Variants in RYR2 observed in about 807,000 individuals in gnomAD.
The protein encoded by RYR2 is ryanodine receptor 2, also known as cardiac muscle ryanodine receptor-calcium release channel.
RYR2 carries 227 observed loss-of-function variants against 601.1 expected under a neutral mutation model. That is an observed-to-expected ratio of 0.38 (90% CI 0.34 to 0.42). The LOEUF (loss-of-function observed/expected upper bound fraction) is 0.42. RYR2 is among the 10% of genes least tolerant of loss of function. The pLI is 1.00. For missense variants in RYR2, 4,646 were observed against 6,156.5 expected, an observed-to-expected ratio of 0.75 and a Z score of 8.21; for synonymous variants, 2,223 against 2,175.1, an observed-to-expected ratio of 1.02 and a Z score of -0.61.
chr1:237,179,435 G>A (rs558362706), intron 1 of RYR2, among the ~76,000 whole-genome samples: 2 of 151,900 alleles, frequency 1.3e-5, no homozygotes, highest in South Asian at 4.1e-4. Flanking sequence ...ATGTTTAGGA[G>A]ACTAGGAATA....
intron 4 of RYR2, among the ~76,000 whole-genome samples, chr1:237,362,319 A>G (rs987616617): frequency 6.6e-6 from 1 of 152,128 alleles, no homozygotes; most frequent in African/African-American, 2.4e-5. Flanking sequence ...CCCTTACTCT[A>G]TTTTGTGTAA....
chr1:237,310,934 G>A (rs954579), intron 2 of RYR2, among the ~76,000 whole-genome samples: 51,367 of 151,906 alleles, frequency 0.34, 8,917 homozygotes, highest in South Asian at 0.51. Context: ...AAGTTTCACA[G>A]TTAGGGTTTC....
At chr1:237,112,048 T>TA (rs1223898341) in intron 1 of RYR2, among the ~76,000 whole-genome samples, 3 of 152,124 alleles carry the variant, frequency 2.0e-5, no homozygotes, top group Admixed American at 6.5e-5. Flanking sequence ...AATGAGATAG[T>TA]ATGCAAATAG....
At chr1:237,120,162 T>C (rs1055230162) in intron 1 of RYR2, among the ~76,000 whole-genome samples, 10 of 152,202 alleles carry the variant, frequency 6.6e-5, no homozygotes, top group African/African-American at 2.4e-4. Context: ...AATGGTTTAA[T>C]AGTCATTTTT....
intron 1 of RYR2, among the ~76,000 whole-genome samples, chr1:237,138,613 A>G (rs1284339525): frequency 6.7e-6 from 1 of 150,088 alleles, no homozygotes; most frequent in Non-Finnish European, 1.5e-5. Context: ...AAAACAAACT[A>G]TTTATTTTCT....
rs1272382499 is a variant in RYR2 at position 237,219,014 on chromosome 1, T to TTA, written c.49-51482_49-51481insAT. Among the ~76,000 whole-genome samples, 3 of 148,256 alleles carry TTA rather than the reference T, an allele frequency of 2.0e-5. No homozygotes were observed. The East Asian group carries it at 5.9e-4, about 29-fold the overall frequency. On this transcript the variant is annotated intron_variant, in intron 1 of 104. Transcript: ENST00000366574. ...TTTCTGCTTTCCTTATACTTGATTT[T>TTA]TTTTTTTTTTTTTTTTTAGCTGGCG...
chr1:237,351,720 A>G (rs1698855872), intron 3 of RYR2, among the ~76,000 whole-genome samples: 1 of 151,950 alleles, frequency 6.6e-6, no homozygotes, highest in Non-Finnish European at 1.5e-5. Flanking sequence ...GTCCAGGCCC[A>G]GATGGCCTCA....
intron 1 of RYR2, among the ~76,000 whole-genome samples, chr1:237,191,606 T>C (rs977551537): frequency 2.6e-5 from 4 of 152,170 alleles, no homozygotes; most frequent in African/African-American, 7.2e-5. Flanking sequence ...CGTGTTCCGA[T>C]TGAGGCTGGA....
chr1:237,551,660 G>A lies in RYR2; in HGVS notation c.3214+969G>A, dbSNP rs75503480. ...AAAACAAATTACGGTTGTGTGCTTC[G>A]TCACAGGGCCTATAATTTTTGATGG... On this transcript the variant is annotated intron_variant, in intron 27 of 104. Transcript: ENST00000366574. Among the ~76,000 whole-genome samples, 67 of 151,838 alleles carry A rather than the reference G, an allele frequency of 4.4e-4. 1 individual carries two copies. The East Asian group carries it at 9.3e-3, about 21-fold the overall frequency.
chr1:237,655,212 A>G lies in RYR2; in HGVS notation c.7966-609A>G, dbSNP rs138037725. Among the ~76,000 whole-genome samples the G allele has an allele frequency of 4.0e-3, 602 of 152,312 alleles. 1 individual carries two copies. The highest frequency in any genetic ancestry group is 0.014 in the African/African-American group (569 of 41,564). On this transcript the variant is annotated intron_variant, in intron 52 of 104. Transcript: ENST00000366574. ...GAATCATTTACAACATTTATTTAAC[A>G]TTGAACATTTAAAGTGAAATAAATT...
chr1:237,494,685 G>A (rs1572584970), intron 19 of RYR2, among the ~76,000 whole-genome samples: 1 of 152,204 alleles, frequency 6.6e-6, no homozygotes, highest in African/African-American at 2.4e-5. Flanking sequence ...AAAACGCTGT[G>A]TGTGATAGTA....
At chr1:237,446,029 A>G (rs891455213) in intron 14 of RYR2, among the ~76,000 whole-genome samples, 14 of 152,008 alleles carry the variant, frequency 9.2e-5, no homozygotes, top group Admixed American at 7.2e-4. Flanking sequence ...CTTGGCCAGG[A>G]TGAACTCGAT....
At chr1:237,132,718 G>A (rs902087908) in intron 1 of RYR2, among the ~76,000 whole-genome samples, 10 of 152,148 alleles carry the variant, frequency 6.6e-5, no homozygotes, top group Middle Eastern at 3.2e-3. Context: ...TTTTTATCAG[G>A]AAAAATTTTT....
intron 100 of RYR2, among the ~76,000 whole-genome samples, chr1:237,812,820 C>T (rs546252748): frequency 6.6e-6 from 1 of 152,212 alleles, no homozygotes; most frequent in African/African-American, 2.4e-5. Context: ...GCCCACCTGC[C>T]CACTTCTTAA....
At position 237,287,216 on chromosome 1, in the gene RYR2, G is replaced by T. The variant is rs201259649; in HGVS notation, c.168+16600G>T. Among the ~76,000 whole-genome samples, 284 of 152,244 alleles carry T rather than the reference G, an allele frequency of 1.9e-3. 1 individual carries two copies. The highest frequency in any genetic ancestry group is 6.5e-3 in the African/African-American group (269 of 41,546). On this transcript the variant is annotated intron_variant, in intron 2 of 104. Transcript: ENST00000366574. ...TAGGTTTTCCTTTATAGGCTACCTG[G>T]TGCTTCTGTCTCACAGCTCTTAAGA...
intron 1 of RYR2, among the ~76,000 whole-genome samples, chr1:237,051,178 C>G (rs538702968): frequency 2.9e-5 from 4 of 137,698 alleles, no homozygotes; most frequent in African/African-American, 8.3e-5. Flanking sequence ...CTCCCTTCCC[C>G]CTTCCCTCCT....
At chr1:237,668,910 G>C (rs1684566996) in intron 58 of RYR2, among the ~76,000 whole-genome samples, 1 of 151,638 alleles carries the variant, frequency 6.6e-6, no homozygotes, top group South Asian at 2.1e-4. Flanking sequence ...ATCATTCTTG[G>C]GTGTTTCTCG....
At chr1:237,755,936 G>T (rs143075168) in intron 80 of RYR2, among the ~76,000 whole-genome samples, 2 of 152,066 alleles carry the variant, frequency 1.3e-5, no homozygotes, top group Non-Finnish European at 2.9e-5. Context: ...TATTCAAAAC[G>T]TGACAAACTT....
At chr1:237,790,327 C>A (rs529632118) in intron 92 of RYR2, among the ~76,000 whole-genome samples, 4 of 152,210 alleles carry the variant, frequency 2.6e-5, no homozygotes, top group African/African-American at 7.2e-5. Context: ...CCAAATACAT[C>A]GAGTCTGCCC....
Sources: allele counts gnomAD v4.1 joint callset (sites outside exome capture counted in the v4.1 genomes callset), GRCh38; gene constraint gnomAD v4.1.1; transcripts MANE v1.5; gene names NCBI Gene and HGNC (gene_info 2026-07-23, HGNC 2026-07-21).